The following SPRYD7 variants were observed in gnomAD, a reference collection of about 807,000 sequenced individuals.
SPRYD7 encodes the protein SPRY domain containing 7.
SPRYD7 carries 14 observed loss-of-function variants against 23.8 expected under a neutral mutation model. The observed-to-expected ratio is 0.59, with a 90% CI of 0.39 to 0.92. The LOEUF (loss-of-function observed/expected upper bound fraction) is 0.92, where lower values mean the gene tolerates loss of function less well. SPRYD7 is among the 40% of genes least tolerant of loss of function. SPRYD7 has a pLI of 0.00. For missense variants in SPRYD7, 194 were observed against 241.7 expected (o/e 0.80, Z 1.31); for synonymous variants, 75 against 84.9 (o/e 0.88, Z 0.64).
intron 4 of SPRYD7, among the ~76,000 whole-genome samples, chr13:49,918,222 C>G (rs775682630): frequency 8.5e-5 from 13 of 152,052 alleles, no homozygotes; most frequent in South Asian, 2.1e-4. Flanking sequence ...ACAACCACAC[C>G]TGGATAATTT....
intron 1 of SPRYD7, among the ~76,000 whole-genome samples, chr13:49,931,843 G>C (rs1200399757): frequency 6.6e-6 from 1 of 152,184 alleles, no homozygotes; most frequent in Non-Finnish European, 1.5e-5. Context: ...AGCTACTTGG[G>C]AGGCCGAGGT....
At chr13:49,923,713 C>T (rs1178286073) in intron 3 of SPRYD7, among the ~76,000 whole-genome samples, 3 of 151,932 alleles carry the variant, frequency 2.0e-5, no homozygotes, top group Admixed American at 6.6e-5. Flanking sequence ...AGCGCAGTGG[C>T]GCGACCTTGG....
At chr13:49,924,799 C>A (rs987481362) in intron 3 of SPRYD7, among the ~76,000 whole-genome samples, 1 of 150,518 alleles carries the variant, frequency 6.6e-6, no homozygotes, top group African/African-American at 2.4e-5. Flanking sequence ...AATGGTGAAA[C>A]CCTGTCTCTA....
At chr13:49,933,997 C>T (rs1479862321) in intron 1 of SPRYD7, among the ~76,000 whole-genome samples, 1 of 151,660 alleles carries the variant, frequency 6.6e-6, no homozygotes, top group African/African-American at 2.4e-5. Flanking sequence ...TACAACATCA[C>T]TAAAATAAGT....
intron 1 of SPRYD7, among the ~76,000 whole-genome samples, chr13:49,933,764 A>C (rs1405566692): frequency 6.6e-6 from 1 of 152,144 alleles, no homozygotes; most frequent in Non-Finnish European, 1.5e-5. Context: ...GGCAAATTTG[A>C]GTACAGCCAG....
chr13:49,919,439 G>C (rs1955791428), intron 4 of SPRYD7, among the ~76,000 whole-genome samples: 1 of 152,168 alleles, frequency 6.6e-6, no homozygotes, highest in Admixed American at 6.5e-5. Flanking sequence ...ATCTACTCGG[G>C]AGGCTGAGGC....
chr13:49,929,876 G>C (rs1015832476), intron 2 of SPRYD7, among the ~76,000 whole-genome samples: 4 of 149,358 alleles, frequency 2.7e-5, no homozygotes, highest in Non-Finnish European at 5.9e-5. Flanking sequence ...TGCAGCCTCT[G>C]TCTTCCGGGT....
At position 49,928,132 on chromosome 13, in the gene SPRYD7, C is replaced by T. The variant is rs374378163; in HGVS notation, c.224-47G>A. On this transcript the variant is annotated intron_variant, in intron 2 of 4. Transcript: ENST00000361840. ...TGCCCTCAAAATCTGAAGACTACAA[C>T]CATCGAGTTATTTTAAAAGGGAGTA... 16 of 1,532,634 alleles carry T rather than the reference C, an allele frequency of 1.0e-5. 1 individual carries two copies. The African/African-American group carries it at 2.1e-4, about 20-fold the overall frequency. 94.9% of individuals were successfully genotyped at this position (1,532,634 alleles called of 1,614,324 possible). A position where few individuals can be genotyped will look rare whatever the true frequency, so the allele number is the denominator to read the frequency against.
chr13:49,919,561 C>CA (rs1002086634), intron 4 of SPRYD7, among the ~76,000 whole-genome samples: 6 of 148,394 alleles, frequency 4.0e-5, no homozygotes, highest in African/African-American at 1.2e-4. Flanking sequence ...CAAAACAATA[C>CA]AAAAAAACCC....
intron 2 of SPRYD7, among the ~76,000 whole-genome samples, chr13:49,929,061 C>A (rs144378180): frequency 6.6e-6 from 1 of 152,208 alleles, no homozygotes; most frequent in African/African-American, 2.4e-5. Flanking sequence ...GTCTCAAACT[C>A]CTGGCCTTGA....
intron 3 of SPRYD7, 45 bp from the exon 4 acceptor site, chr13:49,921,625 A>C (rs777237303): frequency 2.5e-6 from 3 of 1,223,546 alleles, no homozygotes; most frequent in Admixed American, 1.7e-5. Context: ...CTGAGCCGTC[A>C]GAAAGCATTG....
At chr13:49,931,353 A>G (rs1421685136) in intron 1 of SPRYD7, among the ~76,000 whole-genome samples, 2 of 151,918 alleles carry the variant, frequency 1.3e-5, no homozygotes, top group African/African-American at 2.4e-5. Flanking sequence ...CTAAATTTTT[A>G]TATTTTTAGT....
Position 49,915,016 on chromosome 13 carries a change from A to C in SPRYD7, c.*47T>G. On this transcript the variant is annotated 3_prime_UTR_variant, in exon 5 of 5. Transcript: ENST00000361840. ...CCAGGTAAAGTTTTATTAAATGATG[A>C]ACATTTTTTAACAGTGCAGAAATAC... is the stretch of plus-strand genomic sequence containing the variant. 1.9e-6 allele frequency: 2 copies of C among 1,075,730 alleles called. No homozygotes were observed. Among genetic ancestry groups the C allele is most frequent in the Non-Finnish European group, 2.7e-6 (2 of 737,478 alleles). The allele number at this position is 1,075,730 out of a possible 1,614,324, so 66.6% of individuals were successfully genotyped here. A position where few individuals can be genotyped will look rare whatever the true frequency, so the allele number is the denominator to read the frequency against.
At chr13:49,934,797 T>C (rs1355066592) in intron 1 of SPRYD7, among the ~76,000 whole-genome samples, 4 of 152,108 alleles carry the variant, frequency 2.6e-5, no homozygotes, top group South Asian at 2.1e-4. Flanking sequence ...ACAGTAAAGA[T>C]AGGAAGAAGT....
At chr13:49,923,620 G>A (rs1159320589) in intron 3 of SPRYD7, among the ~76,000 whole-genome samples, 2 of 152,056 alleles carry the variant, frequency 1.3e-5, no homozygotes, top group African/African-American at 4.8e-5. Context: ...GATGTGAGAA[G>A]TCCCACCCTC....
At chr13:49,926,381 G>A (rs751556767) in intron 3 of SPRYD7, among the ~76,000 whole-genome samples, 13 of 152,110 alleles carry the variant, frequency 8.5e-5, no homozygotes, top group Non-Finnish European at 1.3e-4. Context: ...GGGTAAACAG[G>A]TTGACAGCAT....
intron 2 of SPRYD7, among the ~76,000 whole-genome samples, chr13:49,930,535 C>T (rs373516607): frequency 2.4e-4 from 37 of 151,596 alleles, no homozygotes; most frequent in African/African-American, 8.0e-4. Context: ...GAGTCAAGAC[C>T]GCGCCACTGC....
At chr13:49,924,007 A>T (rs1191448989) in intron 3 of SPRYD7, among the ~76,000 whole-genome samples, 1 of 136,904 alleles carries the variant, frequency 7.3e-6, no homozygotes, top group Non-Finnish European at 1.6e-5. Flanking sequence ...TTTGAGGCAG[A>T]GTTTCGTTCT....
chr13:49,936,078 G>T, intron 1 of SPRYD7, 52 bp downstream of exon 1: 1 of 1,195,162 alleles, frequency 8.4e-7, no homozygotes, highest in Non-Finnish European at 1.1e-6. Context: ...CCCCCTGCCC[G>T]CCGCGCCCGG....
Sources: gnomAD v4.1 joint callset for allele counts (sites outside exome capture counted in the v4.1 genomes callset) on GRCh38, gnomAD v4.1.1 for gene constraint, MANE v1.5 for transcripts, NCBI Gene and HGNC (gene_info 2026-07-23, HGNC 2026-07-21) for gene names.